KCTD8: variants seen among roughly 807,000 people sequenced by gnomAD.
The protein encoded by KCTD8 is BTB/POZ domain-containing protein KCTD8.
KCTD8 carries 27 observed loss-of-function variants against 31.5 expected under a neutral mutation model. The observed-to-expected ratio is 0.86, with a 90% CI of 0.63 to 1.18. The LOEUF (loss-of-function observed/expected upper bound fraction) is 1.18, where lower values mean the gene tolerates loss of function less well. Ranked by LOEUF, KCTD8 falls within the 50% of genes most tolerant of loss-of-function variation. The probability of loss-of-function intolerance (pLI) is 0.00; values close to 1 mark genes in which losing one functional copy is unlikely to be tolerated. For missense variants in KCTD8, 658 were observed against 647.7 expected, an observed-to-expected ratio of 1.02 and a Z score of -0.17; for synonymous variants, 290 against 280.0, an observed-to-expected ratio of 1.04 and a Z score of -0.36.
chr4:44,271,605 G>A (rs552151353), intron 1 of KCTD8, among the ~76,000 whole-genome samples: 44 of 152,226 alleles, frequency 2.9e-4, no homozygotes, highest in South Asian at 4.1e-4. Flanking sequence ...AGGAATGAGG[G>A]CAAGGAACAC....
intron 1 of KCTD8, among the ~76,000 whole-genome samples, chr4:44,330,057 GA>G (rs202113088): frequency 6.6e-6 from 1 of 151,226 alleles, no homozygotes; most frequent in Non-Finnish European, 1.5e-5. Context: ...CATCAATTCA[GA>G]AAAAAAATGC....
intron 1 of KCTD8, among the ~76,000 whole-genome samples, chr4:44,272,123 A>T (rs962702023): frequency 5.0e-5 from 3 of 59,980 alleles, no homozygotes; most frequent in African/African-American, 8.5e-5. Flanking sequence ...GTATTATATT[A>T]TATATATATA....
chr4:44,415,198 G>A (rs1454879349), intron 1 of KCTD8, among the ~76,000 whole-genome samples: 4 of 152,190 alleles, frequency 2.6e-5, no homozygotes, highest in African/African-American at 9.7e-5. Flanking sequence ...GTATGTGCTG[G>A]AAGAAATTTC....
At chr4:44,316,648 T>C (rs1359458374) in intron 1 of KCTD8, among the ~76,000 whole-genome samples, 4 of 151,572 alleles carry the variant, frequency 2.6e-5, no homozygotes, top group Admixed American at 1.3e-4. Context: ...ATAGTTTGAA[T>C]AGATAAAAAA....
At chr4:44,209,969 T>C (rs1038270403) in intron 1 of KCTD8, among the ~76,000 whole-genome samples, 19 of 152,156 alleles carry the variant, frequency 1.2e-4, no homozygotes, top group Non-Finnish European at 1.8e-4. Context: ...TAAATAACTT[T>C]TTGAGTTGAA....
chr4:44,272,695 A>C (rs2109373418), intron 1 of KCTD8, among the ~76,000 whole-genome samples: 1 of 152,202 alleles, frequency 6.6e-6, no homozygotes, highest in South Asian at 2.1e-4. Context: ...TTGATTCAAC[A>C]GATCTATTTT....
At chr4:44,279,019 C>A (rs1364191927) in intron 1 of KCTD8, among the ~76,000 whole-genome samples, 2 of 152,022 alleles carry the variant, frequency 1.3e-5, no homozygotes, top group African/African-American at 4.8e-5. Flanking sequence ...GCTTTGGAAT[C>A]AAATAATTCT....
rs1045272468 is a variant in KCTD8, at chr4:44,174,167, A to C, written c.*623T>G. The C allele has an allele frequency of 1.2e-4, 18 of 152,728 alleles. No homozygotes were observed. The highest frequency in any genetic ancestry group is 4.3e-4 in the African/African-American group (18 of 41,592). 9.5% of individuals were successfully genotyped at this position (152,728 alleles called of 1,614,324 possible). On this transcript the variant is annotated 3_prime_UTR_variant, in exon 2 of 2. Coordinates refer to ENST00000360029, the MANE Select transcript of KCTD8 (RefSeq NM_198353.3). ...TACACAAAAAAGTCACAGATCCAGA[A>C]CAAAGAAAATTCAATCTCCTAGACA...
intron 1 of KCTD8, among the ~76,000 whole-genome samples, chr4:44,437,093 T>C (rs1721670498): frequency 6.6e-6 from 1 of 151,384 alleles, no homozygotes; most frequent in Admixed American, 6.6e-5. Flanking sequence ...AACTTCAAGA[T>C]TGGCCATAAA....
chr4:44,347,121 A>C (rs1183137678), intron 1 of KCTD8, among the ~76,000 whole-genome samples: 3 of 152,214 alleles, frequency 2.0e-5, no homozygotes, highest in Admixed American at 2.0e-4. Context: ...AAAGGATATA[A>C]TTCCAGACCT....
chr4:44,353,711 T>G (rs949878909), intron 1 of KCTD8, among the ~76,000 whole-genome samples: 1 of 152,128 alleles, frequency 6.6e-6, no homozygotes, highest in African/African-American at 2.4e-5. Flanking sequence ...AAACATATAA[T>G]ATTTGTCTTT....
intron 1 of KCTD8, among the ~76,000 whole-genome samples, chr4:44,227,204 G>A (rs544959120): frequency 2.0e-5 from 3 of 152,242 alleles, no homozygotes; most frequent in South Asian, 4.2e-4. Flanking sequence ...TCCATCTTGA[G>A]TTAATTTTTG....
chr4:44,441,815 T>C (rs935597945), intron 1 of KCTD8, among the ~76,000 whole-genome samples: 1 of 152,198 alleles, frequency 6.6e-6, no homozygotes, highest in Non-Finnish European at 1.5e-5. Context: ...ATAAATGTGA[T>C]AGTAAATTTT....
intron 1 of KCTD8, among the ~76,000 whole-genome samples, chr4:44,415,331 G>A (rs999528290): frequency 1.3e-5 from 2 of 152,148 alleles, no homozygotes; most frequent in African/African-American, 4.8e-5. Flanking sequence ...AAAAACATTT[G>A]AAAAATTTGC....
intron 1 of KCTD8, among the ~76,000 whole-genome samples, chr4:44,420,522 A>G (rs1721184490): frequency 1.3e-5 from 2 of 152,196 alleles, no homozygotes; most frequent in South Asian, 4.1e-4. Flanking sequence ...ATGGACACAG[A>G]TGTGTTTCAA....
chr4:44,271,904 T>C (rs1229172009), intron 1 of KCTD8, among the ~76,000 whole-genome samples: 1 of 152,004 alleles, frequency 6.6e-6, no homozygotes, highest in Non-Finnish European at 1.5e-5. Context: ...CTCCACAAGC[T>C]ATATTTCTGT....
chr4:44,207,786 T>A (rs1705857886), intron 1 of KCTD8, among the ~76,000 whole-genome samples: 1 of 152,148 alleles, frequency 6.6e-6, no homozygotes, highest in Non-Finnish European at 1.5e-5. Context: ...TAGCAAAAAC[T>A]CCTTTGTAAC....
chr4:44,409,053 C>G (rs902861798), intron 1 of KCTD8, among the ~76,000 whole-genome samples: 1 of 151,644 alleles, frequency 6.6e-6, no homozygotes, highest in Non-Finnish European at 1.5e-5. Context: ...GACCAGCCTG[C>G]TCAACATAGT....
intron 1 of KCTD8, among the ~76,000 whole-genome samples, chr4:44,392,341 T>A (rs1223371202): frequency 6.6e-6 from 1 of 151,954 alleles, no homozygotes; most frequent in Non-Finnish European, 1.5e-5. Context: ...TGGCCTTCTG[T>A]AAAACAAGGC....
Sources: gnomAD v4.1 joint callset for allele counts (sites outside exome capture counted in the v4.1 genomes callset) on GRCh38, gnomAD v4.1.1 for gene constraint, MANE v1.5 for transcripts, NCBI Gene and HGNC (gene_info 2026-07-23, HGNC 2026-07-21) for gene names.